The following ZNF311 variants were observed in gnomAD, a reference collection of about 807,000 sequenced individuals.
ZNF311 encodes zinc finger protein zfp31.
In ZNF311, 14 loss-of-function variants were observed where a neutral mutation model predicts 22.7. The ratio of observed to expected loss-of-function variants is 0.62; its 90% CI spans 0.41 to 0.96. The LOEUF (loss-of-function observed/expected upper bound fraction) is 0.96, where lower values mean the gene tolerates loss of function less well. Among genes scored for constraint, ZNF311 ranks in the 40% least tolerant of loss-of-function variants. The probability of loss-of-function intolerance (pLI) is 0.00; values close to 1 mark genes in which losing one functional copy is unlikely to be tolerated. For synonymous variants in ZNF311, 250 were observed against 275.3 expected (o/e 0.91, Z 0.91); for missense variants, 731 against 799.0 (o/e 0.91, Z 1.03).
intron 4 of ZNF311, 38 bp from the exon 5 acceptor site, chr6:28,999,651 CAT>C (rs766993856): frequency 6.3e-7 from 1 of 1,594,882 alleles, no homozygotes; most frequent in South Asian, 1.1e-5. Flanking sequence ...GAGAAAACGC[CAT>C]AGTTTCCTCA....
At chr6:29,003,781 G>A (rs1018528713) in intron 2 of ZNF311, 165 bp downstream of exon 2, 4 of 1,504,788 alleles carry the variant, frequency 2.7e-6, no homozygotes, top group Non-Finnish European at 3.6e-6. Context: ...CAACTACAAA[G>A]CTTTAATGAT....
At position 28,995,344 on chromosome 6, in the gene ZNF311, T is replaced by C. The variant is rs973366357; in HGVS notation, c.1658A>G (p.Lys553Arg). 6.2e-7 allele frequency: 1 copy of C among 1,613,964 alleles called. No homozygotes were observed. Among genetic ancestry groups the C allele is most frequent in the Non-Finnish European group, 8.5e-7 (1 of 1,180,052 alleles). The stretch of plus-strand genomic sequence containing the variant: ...TCCACATACCTCACATTTGTGAGGC[T>C]TCTCTCCAGTGTGAATTCTTCGATG... ...TNHRRIHTGE[K>R]PHKCEVCGMA... is the part of the protein sequence containing the mutation. Residue 553 changes from lysine (K) to arginine (R), a missense_variant, in exon 7 of 7, where the codon AAG becomes AGG. Transcript: ENST00000377179. This position sits in a 1 kb window ranked among gnomAD's most constrained non-coding sequence, Gnocchi z 4.7.
At chr6:28,998,918 T>C in intron 5 of ZNF311, 80 bp from the exon 6 acceptor site, 1 of 909,770 alleles carries the variant, frequency 1.1e-6, no homozygotes, top group Non-Finnish European at 1.7e-6. Flanking sequence ...CCCTGATCCT[T>C]CTGTTTGTAT....
chr6:29,003,861 C>T, intron 2 of ZNF311, 85 bp downstream of exon 2: 1 of 1,612,312 alleles, frequency 6.2e-7, no homozygotes, highest in Non-Finnish European at 8.5e-7. Flanking sequence ...TCAGACACAC[C>T]TCCACTCACA....
At position 29,003,509 on chromosome 6, in the gene ZNF311, T is replaced by C; in HGVS notation, c.91+4A>G. ...CTCCTGCCACAATCTCCTGTGTATCTCACCGCTTTCCTGAGGGAGCTGGGT... is the reference window on the plus strand; with the variant it reads ...CTCCTGCCACAATCTCCTGTGTATCCCACCGCTTTCCTGAGGGAGCTGGGT... On this transcript the variant is annotated splice_donor_region_variant and intron_variant, in intron 3 of 6. Coordinates refer to ENST00000377179, the MANE Select transcript of ZNF311 (RefSeq NM_001382360.1). 6.2e-7 allele frequency: 1 copy of C among 1,613,036 alleles called. No homozygotes were observed. The highest frequency in any genetic ancestry group is 8.5e-7 in the Non-Finnish European group (1 of 1,179,986).
rs114808142 is a variant in ZNF311, at chr6:28,997,769, A to C, written c.415+965T>G. Among the ~76,000 whole-genome samples the C allele has an allele frequency of 6.1e-3, 923 of 152,326 alleles. 7 individuals are homozygous for C. Among genetic ancestry groups the C allele is most frequent in the Non-Finnish European group, 0.01 (696 of 68,030 alleles). ...CAAATCCTAGTATGACAGTTAATAA[A>C]TCTTAATACCTGTGTGAACTTGGGA... On this transcript the variant is annotated intron_variant, in intron 6 of 6. Transcript: ENST00000377179.
chr6:28,997,944 A>G (rs1779859288), intron 6 of ZNF311, among the ~76,000 whole-genome samples: 1 of 152,204 alleles, frequency 6.6e-6, no homozygotes, highest in African/African-American at 2.4e-5. Flanking sequence ...AAACTCCCAA[A>G]AAACAGACGT....
chr6:29,000,085 C>T, intron 3 of ZNF311, 38 bp from the exon 4 acceptor site: 2 of 1,574,298 alleles, frequency 1.3e-6, no homozygotes, highest in South Asian at 1.1e-5. Flanking sequence ...CAATATAGCA[C>T]AGTATTAATG....
chr6:28,996,435 G>C lies in ZNF311; in HGVS notation c.567C>G (p.Val189=). 1 of 1,609,988 alleles carries C rather than the reference G, an allele frequency of 6.2e-7. No individual in the cohort carries two copies. The highest frequency in any genetic ancestry group is 8.5e-7 in the Non-Finnish European group (1 of 1,179,996). The change falls in exon 7 of 7, where the codon GTC becomes GTG. Residue 189 remains valine, a synonymous_variant. Transcript: ENST00000377179. ...PKVREVCVQD[V]KLENQWETSI... The stretch of plus-strand genomic sequence containing the variant: ...ATGTTTCCCATTGATTCTCTAATTT[G>C]ACATCCTGAACACAAACTTCTCTAA...
chr6:29,000,553 G>C (rs565762934), intron 3 of ZNF311, among the ~76,000 whole-genome samples: 1 of 152,100 alleles, frequency 6.6e-6, no homozygotes. Context: ...GTAACTTAAT[G>C]GCTGGTCTAC....
intron 3 of ZNF311, among the ~76,000 whole-genome samples, chr6:29,001,483 G>A (rs1480287484): frequency 3.3e-5 from 5 of 152,078 alleles, no homozygotes; most frequent in Admixed American, 1.3e-4. Flanking sequence ...TAAAAGCTCC[G>A]AGCTCCTTTA....
chr6:29,002,957 C>T (rs1780654457), intron 3 of ZNF311, among the ~76,000 whole-genome samples: 1 of 152,136 alleles, frequency 6.6e-6, no homozygotes, highest in South Asian at 2.1e-4. Flanking sequence ...ACCACTTTTC[C>T]TCCTCACATA....
intron 2 of ZNF311, 77 bp downstream of exon 2, chr6:29,003,867 TCA>T (rs1291802048): frequency 6.2e-7 from 1 of 1,612,490 alleles, no homozygotes; most frequent in African/African-American, 1.3e-5. Context: ...ACACCTCCAC[TCA>T]CACTGCTTTC....
In ZNF311 at chr6:28,995,095, A is replaced by G. The variant is rs1289785769; in HGVS notation, c.1907T>C (p.Val636Ala). 7 of 1,613,712 alleles carry G rather than the reference A, an allele frequency of 4.3e-6. No individual in the cohort carries two copies. Among genetic ancestry groups the G allele is most frequent in the Non-Finnish European group, 5.9e-6 (7 of 1,180,054 alleles). The change falls in exon 7 of 7, where the codon GTA (valine) becomes GCA (alanine). Residue 636 changes from valine to alanine, a missense_variant. Physicochemically the swap from Val to Ala is moderately conservative, Grantham distance 64. Transcript: ENST00000377179. The surrounding 1 kb of genome is among the most constrained non-coding windows in gnomAD (Gnocchi z 4.7). ...CCCATCAAGTTCATGGGTACTCCAT[A>G]CTTGATGTTTTCTTTTCTTATGTCC... ...LTGHKKRKHQ[V>A]WSTHELDGSR...
intron 1 of ZNF311, 110 bp from the exon 2 acceptor site, chr6:29,004,324 C>T (rs1488619946): frequency 3.0e-6 from 2 of 657,774 alleles, no homozygotes; most frequent in Non-Finnish European, 4.3e-6. Flanking sequence ...ATCCAGAATA[C>T]AATCTCAACG....
In ZNF311 at chr6:28,995,900, A is replaced by C; in HGVS notation, c.1102T>G (p.Phe368Val). 1 of 1,613,962 alleles carries C rather than the reference A, an allele frequency of 6.2e-7. No individual in the cohort carries two copies. The part of the protein sequence containing the change: ...PYKCNCCGKA[F>V]QFKHSLTIHG... ...ATGGTAAGGGAATGCTTAAACTGGA[A>C]GGCCTTCCCACAGCAGTTACATTTG... Residue 368 changes from phenylalanine to valine, a missense_variant, in exon 7 of 7, where the codon TTC becomes GTC. Coordinates refer to ENST00000377179, the MANE Select transcript of ZNF311 (RefSeq NM_001382360.1). This position sits in a 1 kb window ranked among gnomAD's most constrained non-coding sequence, Gnocchi z 4.7.
Position 29,004,019 on chromosome 6 carries a change from C to A in ZNF311, c.-65G>T, listed in dbSNP as rs1309933505. ...CCTGGTTTCTTCCTACTGGTCAGATCCAGTTCTCAAACAAGCTGTGAAGTG... is the reference window on the plus strand; with the variant it reads ...CCTGGTTTCTTCCTACTGGTCAGATACAGTTCTCAAACAAGCTGTGAAGTG... On this transcript the variant is annotated 5_prime_UTR_variant, in exon 2 of 7. Coordinates refer to ENST00000377179, the MANE Select transcript of ZNF311 (RefSeq NM_001382360.1). The A allele has an allele frequency of 6.2e-7, 1 of 1,612,796 alleles. No individual in the cohort carries two copies. The highest frequency in any genetic ancestry group is 2.2e-5 in the East Asian group (1 of 44,896).
Position 29,004,442 on chromosome 6 carries a change from C to CTTTTTTTTTTT in ZNF311, c.-260-239_-260-229dup. Among the ~76,000 whole-genome samples, 157 of 30,540 alleles carry CTTTTTTTTTTT rather than the reference C, an allele frequency of 5.1e-3. 8 individuals carry two copies. Among genetic ancestry groups the CTTTTTTTTTTT allele is most frequent in the African/African-American group, 7.7e-3 (17 of 2,208 alleles). 20.0% of individuals were successfully genotyped at this position (30,540 alleles called of 152,430 possible). ...TCTTCAATCCTTGCCTTCCTCCTTT[C>CTTTTTTTTTTT]TTTTTTTTTTTTTTTTTTTTTTTTT... On this transcript the variant is annotated intron_variant, in intron 1 of 6. Coordinates refer to ENST00000377179, the MANE Select transcript of ZNF311 (RefSeq NM_001382360.1).
At chr6:29,001,789 A>G (rs1466825833) in intron 3 of ZNF311, among the ~76,000 whole-genome samples, 1 of 152,164 alleles carries the variant, frequency 6.6e-6, no homozygotes, top group Non-Finnish European at 1.5e-5. Flanking sequence ...CTCTCTGTTC[A>G]TTAATGTATT....
Sources: allele counts gnomAD v4.1 joint callset (sites outside exome capture counted in the v4.1 genomes callset), GRCh38; gene constraint gnomAD v4.1.1; non-coding constraint Gnocchi (gnomAD v3.1); transcripts MANE v1.5; gene names NCBI Gene and HGNC (gene_info 2026-07-23, HGNC 2026-07-21).